The following PDK1 variants were observed in gnomAD, a reference collection of about 807,000 sequenced individuals.
The protein encoded by PDK1 is [Pyruvate dehydrogenase (acetyl-transferring)] kinase isozyme 1, mitochondrial.
PDK1 carries 39 observed loss-of-function variants against 54.2 expected under a neutral mutation model. That is an observed-to-expected ratio of 0.72 (90% CI 0.56 to 0.94). The LOEUF (loss-of-function observed/expected upper bound fraction) is 0.94. PDK1 is among the 40% of genes least tolerant of loss of function. PDK1 has a pLI of 0.00. For synonymous variants in PDK1, 221 were observed against 207.1 expected (o/e 1.07, Z -0.58); for missense variants, 552 against 566.0 (o/e 0.98, Z 0.25).
the PDK1 span, among the ~76,000 whole-genome samples, chr2:172,628,041 A>G: frequency 6.6e-6 from 1 of 152,226 alleles, no homozygotes; most frequent in African/African-American, 2.4e-5. Flanking sequence ...GCAAATCAGA[A>G]AGTCTTTGAA....
At chr2:172,720,850 G>A in the PDK1 span, among the ~76,000 whole-genome samples, 1 of 152,062 alleles carries the variant, frequency 6.6e-6, no homozygotes, top group Non-Finnish European at 1.5e-5. Context: ...ATCTAAGGAG[G>A]GCTTTGTGAC....
chr2:172,713,681 C>A, the PDK1 span, among the ~76,000 whole-genome samples: 1 of 152,250 alleles, frequency 6.6e-6, no homozygotes, highest in African/African-American at 2.4e-5. Context: ...GCAGGCACTT[C>A]TGTGCCTGTG....
At chr2:172,683,938 A>G in the PDK1 span, among the ~76,000 whole-genome samples, 1 of 152,224 alleles carries the variant, frequency 6.6e-6, no homozygotes, top group Non-Finnish European at 1.5e-5. Flanking sequence ...CAGGAGAAAT[A>G]CATATAAACT....
intron 9 of PDK1, among the ~76,000 whole-genome samples, chr2:172,589,507 A>G (rs10930565): frequency 0.27 from 41,534 of 152,072 alleles, 7,180 homozygotes; most frequent in African/African-American, 0.5. Context: ...GTAAATACCC[A>G]CCTTGACTTC....
the PDK1 span, among the ~76,000 whole-genome samples, chr2:172,656,294 A>T: frequency 6.6e-6 from 1 of 152,354 alleles, no homozygotes; most frequent in South Asian, 2.1e-4. Flanking sequence ...CATTGTTTTT[A>T]GCTGTAAACC....
chr2:172,677,260 CA>C, the PDK1 span: 8 of 152,216 alleles, frequency 5.3e-5, no homozygotes, highest in Admixed American at 5.2e-4. Context: ...CAGCAAGTAG[CA>C]TTTTTGCTTC....
the PDK1 span, among the ~76,000 whole-genome samples, chr2:172,652,211 C>T: frequency 1.3e-5 from 2 of 152,166 alleles, no homozygotes; most frequent in Non-Finnish European, 2.9e-5. Context: ...GAACCAAAGA[C>T]AAAAACCACA....
downstream of PDK1, among the ~76,000 whole-genome samples, chr2:172,609,463 G>T (rs1248258322): frequency 6.6e-6 from 1 of 152,070 alleles, no homozygotes; most frequent in Non-Finnish European, 1.5e-5. Flanking sequence ...CTTTTCTCAG[G>T]TGCATTCTAA....
chr2:172,649,212 A>G, the PDK1 span, among the ~76,000 whole-genome samples: 31 of 152,348 alleles, frequency 2.0e-4, no homozygotes, highest in Middle Eastern at 3.4e-3. Context: ...GGTGATACCC[A>G]GGCAAACAGC....
chr2:172,677,127 A>C, the PDK1 span: 1 of 152,256 alleles, frequency 6.6e-6, no homozygotes, highest in Admixed American at 6.5e-5. Flanking sequence ...GCGAAACAAA[A>C]AAAATTGTGT....
At chr2:172,714,107 T>C in the PDK1 span, among the ~76,000 whole-genome samples, 1 of 152,254 alleles carries the variant, frequency 6.6e-6, no homozygotes, top group Non-Finnish European at 1.5e-5. Flanking sequence ...GTAGTACTTT[T>C]TGTTGCTAGC....
the PDK1 span, among the ~76,000 whole-genome samples, chr2:172,631,203 G>A: frequency 5.9e-5 from 9 of 152,276 alleles, no homozygotes; most frequent in South Asian, 2.1e-4. Context: ...CCACATAAAC[G>A]TGTCTATTTT....
the PDK1 span, among the ~76,000 whole-genome samples, chr2:172,635,542 C>T: frequency 1.2e-4 from 19 of 152,334 alleles, no homozygotes; most frequent in African/African-American, 4.6e-4. Context: ...TCTCAAACTG[C>T]TGGCCTCAAG....
chr2:172,562,368 C>T, intron 3 of PDK1, 77 bp downstream of exon 3: 1 of 881,772 alleles, frequency 1.1e-6, no homozygotes, highest in Non-Finnish European at 1.9e-6. Flanking sequence ...TTTTAGGTTT[C>T]TACTACTTTA....
chr2:172,558,948 G>A (rs1183350906), intron 2 of PDK1, 99 bp downstream of exon 2: 2 of 1,145,066 alleles, frequency 1.7e-6, no homozygotes, highest in Non-Finnish European at 2.5e-6. Context: ...AATCTTTTTT[G>A]TTTTGTTTTG....
intron 5 of PDK1, among the ~76,000 whole-genome samples, chr2:172,565,839 T>TG (rs1688910608): frequency 6.6e-6 from 1 of 152,252 alleles, no homozygotes; most frequent in Non-Finnish European, 1.5e-5. Flanking sequence ...CATCTGGATA[T>TG]GCTCCAAGGT....
the PDK1 span, among the ~76,000 whole-genome samples, chr2:172,688,489 C>T: frequency 6.6e-6 from 1 of 152,144 alleles, no homozygotes; most frequent in Admixed American, 6.5e-5. Context: ...GTCCCAAGCC[C>T]CATCTTACTG....
At chr2:172,723,999 G>A in the PDK1 span, 1 of 152,130 alleles carries the variant, frequency 6.6e-6, no homozygotes, top group African/African-American at 2.4e-5. Context: ...TATATCCTAA[G>A]AATTTCCTGT....
At chr2:172,614,995 A>AG in the PDK1 span, among the ~76,000 whole-genome samples, 30,639 of 152,130 alleles carry the variant, frequency 0.2, 3,537 homozygotes, top group African/African-American at 0.3. Flanking sequence ...GTGTACTAAT[A>AG]CTGTTTACAC....
Sources: allele counts gnomAD v4.1 joint callset (sites outside exome capture counted in the v4.1 genomes callset), GRCh38; gene constraint gnomAD v4.1.1; transcripts MANE v1.5; gene names NCBI Gene and HGNC (gene_info 2026-07-23, HGNC 2026-07-21).